The following LDHAL6A variants were observed in gnomAD, a reference collection of about 807,000 sequenced individuals.
LDHAL6A encodes lactate dehydrogenase A like 6A, also known as L-lactate dehydrogenase A-like 6A.
LDHAL6A carries 19 observed loss-of-function variants against 28.2 expected under a neutral mutation model. The observed-to-expected ratio is 0.67, with a 90% confidence interval of 0.47 to 0.99. LDHAL6A has a LOEUF of 0.99. Among genes scored for constraint, LDHAL6A ranks in the 50% least tolerant of loss-of-function variants. The pLI, the probability that LDHAL6A is intolerant of heterozygous loss-of-function variation, is 0.00. For missense variants in LDHAL6A, 372 were observed against 398.6 expected (o/e 0.93, Z 0.57); for synonymous variants, 144 against 134.4 (o/e 1.07, Z -0.49).
At chr11:18,477,336 G>A (rs149391953) in intron 5 of LDHAL6A, among the ~76,000 whole-genome samples, 193 of 152,152 alleles carry the variant, frequency 1.3e-3, no homozygotes, top group African/African-American at 4.5e-3. Flanking sequence ...GCGCATGCTT[G>A]TAATCCCAGC....
At chr11:18,460,191 T>C (rs757929310) in intron 1 of LDHAL6A, among the ~76,000 whole-genome samples, 2 of 152,166 alleles carry the variant, frequency 1.3e-5, no homozygotes, top group Non-Finnish European at 2.9e-5. Flanking sequence ...TCCTGCACTT[T>C]GGGAGACCAA....
chr11:18,459,801 G>A (rs1047388567), intron 1 of LDHAL6A, among the ~76,000 whole-genome samples: 6 of 152,132 alleles, frequency 3.9e-5, no homozygotes, highest in Non-Finnish European at 7.3e-5. Context: ...TCTAGGCTAT[G>A]ACAGTTTCTT....
Position 18,476,430 on chromosome 11 carries a change from T to C in LDHAL6A, c.639T>C (p.Asp213=), listed in dbSNP as rs200442279. 1.2e-6 allele frequency: 2 copies of C among 1,614,114 alleles called. No individual in the cohort carries two copies. Among genetic ancestry groups the C allele is most frequent in the African/African-American group, 2.7e-5 (2 of 75,020 alleles). ...GVNIAGVPLK[D]LNPDIGTDKD... ...ACATTGCTGGCGTCCCTCTGAAGGA[T>C]CTGAACCCAGATATAGGAACTGATA... The change falls in exon 5 of 7, where the codon GAT becomes GAC. Residue 213 remains aspartate, a synonymous_variant. Transcript: ENST00000280706.
chr11:18,461,897 G>A (rs577121743), intron 1 of LDHAL6A, among the ~76,000 whole-genome samples: 2 of 149,642 alleles, frequency 1.3e-5, no homozygotes, highest in East Asian at 2.0e-4. Flanking sequence ...ATGGGCTCAC[G>A]CTTGTAACTT....
chr11:18,464,977 G>GTTTGTTTTTTTTTTTTTTTTT (rs1849013732), intron 2 of LDHAL6A, among the ~76,000 whole-genome samples: 5 of 125,486 alleles, frequency 4.0e-5, no homozygotes, highest in African/African-American at 1.7e-4. Context: ...TGTTTTTTTT[G>GTTTGTTTTTTTTTTTTTTTTT]TTTTTTTTTG....
At chr11:18,465,232 C>T (rs1033016604) in intron 2 of LDHAL6A, among the ~76,000 whole-genome samples, 7 of 151,878 alleles carry the variant, frequency 4.6e-5, no homozygotes, top group Admixed American at 1.3e-4. Flanking sequence ...AAGTGATTCT[C>T]CTGCCTCAGT....
At chr11:18,464,229 G>A (rs1030228293) in intron 2 of LDHAL6A, 151 bp downstream of exon 2, 5 of 573,102 alleles carry the variant, frequency 8.7e-6, no homozygotes, top group Non-Finnish European at 1.5e-5. Flanking sequence ...CAGATTCCTT[G>A]GGTTGTACTT....
chr11:18,461,802 G>A (rs952622747), intron 1 of LDHAL6A, among the ~76,000 whole-genome samples: 6 of 149,658 alleles, frequency 4.0e-5, no homozygotes, highest in East Asian at 4.0e-4. Flanking sequence ...GCAGTGAGCC[G>A]AGATAGTGCC....
intron 1 of LDHAL6A, among the ~76,000 whole-genome samples, chr11:18,459,281 T>C (rs1317548123): frequency 3.3e-5 from 5 of 152,234 alleles, no homozygotes; most frequent in African/African-American, 9.7e-5. Context: ...CTAGACTGGC[T>C]AAGTCTTCCA....
chr11:18,468,156 G>A (rs1849169249), intron 3 of LDHAL6A, among the ~76,000 whole-genome samples: 1 of 147,336 alleles, frequency 6.8e-6, no homozygotes, highest in Admixed American at 6.8e-5. Context: ...AACCAGCAAG[G>A]ATTTTGATAG....
rs949323304 is a variant in LDHAL6A at position 18,479,467 on chromosome 11, A to T, written c.*597A>T. 6.6e-6 allele frequency: 1 copy of T among 152,078 alleles called. No individual in the cohort carries two copies. Among genetic ancestry groups the T allele is most frequent in the Non-Finnish European group, 1.5e-5 (1 of 68,046 alleles). The allele number at this position is 152,078 out of a possible 1,614,324, so 9.4% of individuals were successfully genotyped here. ...GATTCTTTTCATCAGGTGCATAGTA[A>T]TTCTTCTCTATGGCTTAATACCTAT... On this transcript the variant is annotated 3_prime_UTR_variant, in exon 7 of 7. Coordinates refer to ENST00000280706, the MANE Select transcript of LDHAL6A (RefSeq NM_144972.5).
intron 3 of LDHAL6A, among the ~76,000 whole-genome samples, chr11:18,473,620 C>T (rs1411967843): frequency 6.6e-6 from 1 of 152,142 alleles, no homozygotes; most frequent in African/African-American, 2.4e-5. Context: ...TGGTCTCAAA[C>T]TCCAAGTCTC....
chr11:18,469,592 ATCTC>A (rs1404550245), intron 3 of LDHAL6A, among the ~76,000 whole-genome samples: 5 of 152,212 alleles, frequency 3.3e-5, no homozygotes, highest in Non-Finnish European at 5.9e-5. Flanking sequence ...AAAAATCTCA[ATCTC>A]AAATGATTTA....
At position 18,479,399 on chromosome 11, in the gene LDHAL6A, C is replaced by T. The variant is rs975535447; in HGVS notation, c.*529C>T. 1 of 150,974 alleles carries T rather than the reference C, an allele frequency of 6.6e-6. No homozygotes were observed. The highest frequency in any genetic ancestry group is 2.4e-5 in the African/African-American group (1 of 40,980). The allele number at this position is 150,974 out of a possible 1,614,324, so 9.4% of individuals were successfully genotyped here. A position where few individuals can be genotyped will look rare whatever the true frequency, so the allele number is the denominator to read the frequency against. ...TTGCCTTGTATGTATACGTAATTGC[C>T]ATCTGGTCCACAAGAATGTGTTTAC... On this transcript the variant is annotated 3_prime_UTR_variant, in exon 7 of 7. Coordinates refer to ENST00000280706, the MANE Select transcript of LDHAL6A (RefSeq NM_144972.5).
chr11:18,476,730 G>C (rs1483455725), intron 5 of LDHAL6A: 1 of 433,394 alleles, frequency 2.3e-6, no homozygotes, highest in Admixed American at 6.4e-5. Flanking sequence ...CACATGGTAG[G>C]GGCTCACTTG....
Position 18,465,707 on chromosome 11 carries a change from A to G in LDHAL6A, c.315A>G (p.Thr105=). The G allele has an allele frequency of 6.2e-7, 1 of 1,613,930 alleles. No homozygotes were observed. Among genetic ancestry groups the G allele is most frequent in the African/African-American group, 1.3e-5 (1 of 75,018 alleles). The change falls in exon 3 of 7, where the codon ACA becomes ACG. Residue 105 remains threonine (T), a synonymous_variant. Transcript: ENST00000280706. ...TAGARQKKGE[T]RLDLVQRNVS... ...GTGCACGCCAGAAAAAAGGAGAAAC[A>G]CGCCTTGATTTAGTCCAGCGAAATG... is the stretch of plus-strand genomic sequence containing the variant.
chr11:18,470,747 C>T (rs534727279), intron 3 of LDHAL6A, among the ~76,000 whole-genome samples: 1 of 150,976 alleles, frequency 6.6e-6, no homozygotes, highest in Admixed American at 6.6e-5. Flanking sequence ...AGTGCAGTGG[C>T]GTGATCTCGG....
rs1339495568 is a variant in LDHAL6A, at chr11:18,467,978, TAC to T, written c.418+2169_418+2170del. Among the ~76,000 whole-genome samples, 4 of 45,254 alleles carry T rather than the reference TAC, an allele frequency of 8.8e-5. 1 individual carries two copies. Among genetic ancestry groups the T allele is most frequent in the Non-Finnish European group, 1.4e-4 (4 of 27,878 alleles). The allele number at this position is 45,254 out of a possible 152,430, so 29.7% of individuals were successfully genotyped here. A position where few individuals can be genotyped will look rare whatever the true frequency, so the allele number is the denominator to read the frequency against. On this transcript the variant is annotated intron_variant, in intron 3 of 6. Transcript: ENST00000280706. ...ATACGTATATATATACGTATATATA[TAC>T]GTATATATATGCATATATATACGTA...
rs117140492 is a variant in LDHAL6A, at chr11:18,459,486, G to A, written c.126+2680G>A. 1.6e-3 allele frequency among the ~76,000 whole-genome samples: 245 copies of A among 152,212 alleles called. 3 individuals are homozygous for A. The East Asian group carries it at 0.035, about 22-fold the overall frequency. On this transcript the variant is annotated intron_variant, in intron 1 of 6. Transcript: ENST00000280706. Reference sequence around the variant, plus strand: ...ACTTGGACTGGCTTCCTTGCTCCTCGGCTTGCAAATGGCCTGTTGTGGGAC... The same window carrying A: ...ACTTGGACTGGCTTCCTTGCTCCTCAGCTTGCAAATGGCCTGTTGTGGGAC...
Sources: gnomAD v4.1 joint callset for allele counts (sites outside exome capture counted in the v4.1 genomes callset) on GRCh38, gnomAD v4.1.1 for gene constraint, MANE v1.5 for transcripts, NCBI Gene and HGNC (gene_info 2026-07-23, HGNC 2026-07-21) for gene names.